The following EYS variants were observed in gnomAD, a reference collection of about 807,000 sequenced individuals.
EYS encodes the protein EGF-like photoreceptor maintenance factor, also known as protein eyes shut homolog.
A neutral mutation model predicts 282.1 loss-of-function variants in EYS; 250 were observed. That is an observed-to-expected ratio of 0.89 (90% confidence interval 0.80 to 0.98). The LOEUF is 0.98. Ranked by LOEUF, EYS falls within the 50% of genes least tolerant of loss-of-function variation. EYS has a pLI of 0.00. For synonymous variants in EYS, 1,355 were observed against 1,282.9 expected (o/e 1.06, Z -1.20); for missense variants, 4,016 against 3,709.0 (o/e 1.08, Z -2.15).
intron 2 of EYS, among the ~76,000 whole-genome samples, chr6:65,637,915 A>G (rs1231865295): frequency 1.3e-5 from 2 of 152,188 alleles, no homozygotes. Flanking sequence ...GGTGGCAAGA[A>G]GCAGACAGGC....
intron 1 of EYS, among the ~76,000 whole-genome samples, chr6:65,666,850 GATAA>G (rs1430026826): frequency 1.4e-5 from 2 of 144,536 alleles, no homozygotes; most frequent in African/African-American, 2.5e-5. Flanking sequence ...AAAGATTAAG[GATAA>G]ATACTCTTGA....
chr6:65,507,422 T>C (rs1257097492), intron 2 of EYS, among the ~76,000 whole-genome samples: 1 of 152,148 alleles, frequency 6.6e-6, no homozygotes, highest in Non-Finnish European at 1.5e-5. Context: ...TTTATCTTTA[T>C]AGTTTATTTA....
At chr6:64,345,189 G>GA (rs1396993198) in intron 29 of EYS, among the ~76,000 whole-genome samples, 2 of 151,542 alleles carry the variant, frequency 1.3e-5, no homozygotes, top group African/African-American at 2.4e-5. Flanking sequence ...CACAGAATTG[G>GA]AAAAAAACTA....
At chr6:64,244,774 A>ATT (rs1341808853) in intron 30 of EYS, among the ~76,000 whole-genome samples, 1 of 152,134 alleles carries the variant, frequency 6.6e-6, no homozygotes, top group Non-Finnish European at 1.5e-5. Flanking sequence ...GATTTCAAAA[A>ATT]TTTATATATA....
At chr6:64,063,967 A>T (rs2149853797) in intron 33 of EYS, among the ~76,000 whole-genome samples, 1 of 152,180 alleles carries the variant, frequency 6.6e-6, no homozygotes, top group Non-Finnish European at 1.5e-5. Flanking sequence ...ACCTCAGGTG[A>T]TCCAGCCACC....
chr6:65,647,673 G>C (rs1200832179), intron 1 of EYS, among the ~76,000 whole-genome samples: 2 of 152,102 alleles, frequency 1.3e-5, no homozygotes, highest in Admixed American at 6.6e-5. Flanking sequence ...AAATAGATGG[G>C]AGTTAATTAA....
intron 12 of EYS, among the ~76,000 whole-genome samples, chr6:65,283,627 C>T (rs550632962): frequency 6.6e-6 from 1 of 151,702 alleles, no homozygotes; most frequent in African/African-American, 2.4e-5. Flanking sequence ...AATAGAGTTA[C>T]TCTGTTAACT....
chr6:65,103,029 C>T (rs1774937064), intron 12 of EYS, among the ~76,000 whole-genome samples: 1 of 151,326 alleles, frequency 6.6e-6, no homozygotes, highest in Non-Finnish European at 1.5e-5. Context: ...GGCAGTAGTT[C>T]TCAGAGTGTG....
intron 22 of EYS, among the ~76,000 whole-genome samples, chr6:64,803,459 G>T (rs993374856): frequency 1.3e-5 from 2 of 152,110 alleles, no homozygotes; most frequent in African/African-American, 4.8e-5. Context: ...AAAGCACCAT[G>T]AGTTCTAAAT....
rs1768652194 is a variant in EYS, at chr6:65,295,980, C to T, written c.1906G>A (p.Glu636Lys). The change falls in exon 12 of 43, where the codon GAA becomes AAA. Residue 636 changes from glutamate (E) to lysine (K), a missense_variant. Physicochemically the swap from Glu to Lys is moderately conservative, Grantham distance 56. Transcript: ENST00000503581. ...GTATCTATCTCACAGATGTTCCTTTCATATCTTTGCAGACCGCTACAGTTA... is the reference window on the plus strand; with the variant it reads ...GTATCTATCTCACAGATGTTCCTTTTATATCTTTGCAGACCGCTACAGTTA... ...NCNCSGLQRY[E>K]RNICEIDTED... is the part of the protein sequence containing the mutation. The T allele has an allele frequency of 2.6e-6, 4 of 1,551,236 alleles. No individual in the cohort carries two copies. The highest frequency in any genetic ancestry group is 1.4e-5 in the African/African-American group (1 of 73,080).
intron 28 of EYS, among the ~76,000 whole-genome samples, chr6:64,428,476 C>A (rs966358416): frequency 2.6e-5 from 4 of 152,074 alleles, no homozygotes; most frequent in African/African-American, 9.7e-5. Context: ...GTCATTTATA[C>A]TAGAACCTCT....
Position 64,640,453 on chromosome 6 carries a change from G to A in EYS, c.3444-14208C>T, listed in dbSNP as rs537749470. On this transcript the variant is annotated intron_variant, in intron 22 of 42. Transcript: ENST00000503581. ...GATGAAATTGGAAATATCATTCTCA[G>A]TAAACTATCGCAAGGACAAGAAACC... Among the ~76,000 whole-genome samples the A allele has an allele frequency of 6.6e-5, 10 of 152,050 alleles. No homozygotes were observed. In the South Asian group the frequency reaches 2.1e-3, roughly 32 times the overall value.
At chr6:65,053,823 C>G (rs1773342029) in intron 13 of EYS, among the ~76,000 whole-genome samples, 1 of 151,892 alleles carries the variant, frequency 6.6e-6, no homozygotes, top group Non-Finnish European at 1.5e-5. Context: ...TAACCTGTAT[C>G]TATTGAATTC....
intron 42 of EYS, among the ~76,000 whole-genome samples, chr6:63,726,093 A>G (rs1180350396): frequency 1.3e-5 from 2 of 152,282 alleles, no homozygotes; most frequent in East Asian, 3.9e-4. Flanking sequence ...TCAGAACACA[A>G]ATCCTGGGTT....
chr6:65,473,148 T>G (rs1372709816), intron 5 of EYS, among the ~76,000 whole-genome samples: 5 of 151,942 alleles, frequency 3.3e-5, no homozygotes, highest in Non-Finnish European at 5.9e-5. Context: ...ATGTTATTAC[T>G]ATATGTAGAC....
chr6:65,665,176 A>C (rs923852453), intron 1 of EYS, among the ~76,000 whole-genome samples: 2 of 152,180 alleles, frequency 1.3e-5, no homozygotes, highest in African/African-American at 4.8e-5. Context: ...AGGGACATAC[A>C]AGTCATAATG....
chr6:65,070,295 A>G (rs549865972), intron 12 of EYS, among the ~76,000 whole-genome samples: 1 of 151,978 alleles, frequency 6.6e-6, no homozygotes, highest in South Asian at 2.1e-4. Flanking sequence ...AAACCCTCAC[A>G]TATGTCTCAA....
At chr6:64,363,129 T>G (rs1772071537) in intron 29 of EYS, among the ~76,000 whole-genome samples, 1 of 151,826 alleles carries the variant, frequency 6.6e-6, no homozygotes, top group Admixed American at 6.6e-5. Context: ...AGACTTTCTT[T>G]TCTTCAATTC....
Position 63,925,259 on chromosome 6 carries a change from C to G in EYS, c.7055+59124G>C, listed in dbSNP as rs560182364. Among the ~76,000 whole-genome samples the G allele has an allele frequency of 7.2e-5, 11 of 152,302 alleles. No individual in the cohort carries two copies. In the East Asian group the frequency reaches 2.1e-3, roughly 29 times the overall value. On this transcript the variant is annotated intron_variant, in intron 35 of 42. Transcript: ENST00000503581. ...TGTACATTTCCAGACAAAATGGCAGCTCCTCTAATTTACTGGTATTCTTCA... is the reference window on the plus strand; with the variant it reads ...TGTACATTTCCAGACAAAATGGCAGGTCCTCTAATTTACTGGTATTCTTCA...
Sources: gnomAD v4.1 joint callset for allele counts (sites outside exome capture counted in the v4.1 genomes callset) on GRCh38, gnomAD v4.1.1 for gene constraint, MANE v1.5 for transcripts, NCBI Gene and HGNC (gene_info 2026-07-23, HGNC 2026-07-21) for gene names.